Variants in KCNAB1 observed in about 807,000 individuals in gnomAD.
The protein encoded by KCNAB1 is voltage-gated potassium channel subunit beta-1.
In KCNAB1, 35 loss-of-function variants were observed where a neutral mutation model predicts 64.6. The ratio of observed to expected loss-of-function variants is 0.54; its 90% CI spans 0.41 to 0.72. KCNAB1 has a LOEUF of 0.72. KCNAB1 is among the 30% of genes least tolerant of loss of function. The pLI is 0.00. For missense variants in KCNAB1, 401 were observed against 512.9 expected (o/e 0.78, Z 2.11); for synonymous variants, 177 against 183.8 (o/e 0.96, Z 0.30).
intron 1 of KCNAB1, among the ~76,000 whole-genome samples, chr3:156,307,992 A>C (rs1483761129): frequency 6.6e-6 from 1 of 152,212 alleles, no homozygotes; most frequent in Non-Finnish European, 1.5e-5. Flanking sequence ...TGAAAAGCTT[A>C]TATTGTAGAA....
chr3:156,146,026 C>G (rs73161089), intron 1 of KCNAB1, among the ~76,000 whole-genome samples: 7,041 of 152,218 alleles, frequency 0.046, 230 homozygotes, highest in Non-Finnish European at 0.071. Flanking sequence ...TGAATTTGGT[C>G]AGACGCCATT....
At chr3:156,285,705 G>A (rs1031733438) in intron 1 of KCNAB1, among the ~76,000 whole-genome samples, 2 of 152,112 alleles carry the variant, frequency 1.3e-5, no homozygotes, top group South Asian at 4.2e-4. Context: ...GTTTCACCAT[G>A]TTGCCCAGGC....
At chr3:156,202,272 C>A (rs1158776206) in intron 1 of KCNAB1, among the ~76,000 whole-genome samples, 1 of 152,192 alleles carries the variant, frequency 6.6e-6, no homozygotes, top group Non-Finnish European at 1.5e-5. Context: ...ATTCCAGAGG[C>A]CTGTGGTGAG....
At chr3:156,405,194 G>C (rs1017974883) in intron 1 of KCNAB1, among the ~76,000 whole-genome samples, 3 of 152,236 alleles carry the variant, frequency 2.0e-5, no homozygotes, top group Non-Finnish European at 4.4e-5. Flanking sequence ...TCTTGGACAA[G>C]AGCCTTTTAT....
At chr3:156,238,421 C>CAAAAA (rs745633828) in intron 1 of KCNAB1, among the ~76,000 whole-genome samples, 6 of 71,768 alleles carry the variant, frequency 8.4e-5, no homozygotes, top group Non-Finnish European at 1.4e-4. Flanking sequence ...GACTTGGTCT[C>CAAAAA]AAAAAAAAAA....
intron 2 of KCNAB1, among the ~76,000 whole-genome samples, chr3:156,447,144 G>C (rs192903472): frequency 6.6e-6 from 1 of 152,228 alleles, no homozygotes; most frequent in East Asian, 1.9e-4. Context: ...CTTTCTTAGT[G>C]AATCTTATCT....
chr3:156,489,274 C>G (rs116749226), intron 8 of KCNAB1, among the ~76,000 whole-genome samples: 1,772 of 152,132 alleles, frequency 0.012, 28 homozygotes, highest in African/African-American at 0.041. Flanking sequence ...CTCTGGGACT[C>G]TCCAGTGTTA....
At chr3:156,302,560 A>G (rs2107990279) in intron 1 of KCNAB1, among the ~76,000 whole-genome samples, 1 of 152,300 alleles carries the variant, frequency 6.6e-6, no homozygotes, top group East Asian at 1.9e-4. Flanking sequence ...ATTTTCTCTG[A>G]GTAAGGCTAC....
chr3:156,172,284 T>TC (rs1712051036), intron 1 of KCNAB1, among the ~76,000 whole-genome samples: 1 of 141,600 alleles, frequency 7.1e-6, no homozygotes, highest in Non-Finnish European at 1.6e-5. Flanking sequence ...TCAAATGGCT[T>TC]TTTTTTTTTT....
intron 1 of KCNAB1, among the ~76,000 whole-genome samples, chr3:156,250,899 G>A (rs6414384): frequency 0.61 from 92,904 of 152,136 alleles, 28,892 homozygotes; most frequent in East Asian, 0.79. Flanking sequence ...CTAGACATTG[G>A]CAATTGATTT....
chr3:156,214,381 A>G (rs1411001102), intron 1 of KCNAB1, among the ~76,000 whole-genome samples: 1 of 152,104 alleles, frequency 6.6e-6, no homozygotes, highest in Non-Finnish European at 1.5e-5. Context: ...AATTGCAGGC[A>G]CTTAGTATCA....
At chr3:156,131,829 A>T (rs1234010772) in intron 1 of KCNAB1, among the ~76,000 whole-genome samples, 1 of 152,196 alleles carries the variant, frequency 6.6e-6, no homozygotes, top group African/African-American at 2.4e-5. Flanking sequence ...GGCTGATGAA[A>T]ATTCTGTCAT....
intron 1 of KCNAB1, among the ~76,000 whole-genome samples, chr3:156,302,316 A>G (rs1277720257): frequency 6.6e-6 from 1 of 152,174 alleles, no homozygotes; most frequent in Non-Finnish European, 1.5e-5. Flanking sequence ...TTACCATAGA[A>G]GGTAATATGT....
chr3:156,387,014 C>CTCTCTTTTTTTTTTT (rs60888308), intron 1 of KCNAB1, among the ~76,000 whole-genome samples: 15 of 90,522 alleles, frequency 1.7e-4, no homozygotes, highest in African/African-American at 7.6e-4. Flanking sequence ...TTCTCTCTCT[C>CTCTCTTTTTTTTTTT]TTTTTTTTTT....
intron 5 of KCNAB1, 47 bp from the exon 6 acceptor site, chr3:156,463,655 C>T (rs1713114527): frequency 7.1e-7 from 1 of 1,416,738 alleles, no homozygotes; most frequent in East Asian, 2.3e-5. Flanking sequence ...GGTACAATAA[C>T]CTGCATTTAT....
At chr3:156,334,424 A>G (rs915952542) in intron 1 of KCNAB1, among the ~76,000 whole-genome samples, 2 of 151,892 alleles carry the variant, frequency 1.3e-5, no homozygotes, top group African/African-American at 2.4e-5. Flanking sequence ...TCTCTTTCCT[A>G]TCGGATCTTA....
chr3:156,538,274 CAGA>C lies in KCNAB1; in HGVS notation c.*1532_*1534del, dbSNP rs976797954. The C allele has an allele frequency of 1.4e-5, 2 of 143,688 alleles. No individual in the cohort carries two copies. Among genetic ancestry groups the C allele is most frequent in the African/African-American group, 5.3e-5 (2 of 38,040 alleles). 8.9% of individuals were successfully genotyped at this position (143,688 alleles called of 1,614,324 possible). On this transcript the variant is annotated 3_prime_UTR_variant, in exon 14 of 14. Coordinates refer to ENST00000490337, the MANE Select transcript of KCNAB1 (RefSeq NM_172160.3). ...CACACAGAAATCACTCTGAGGTTTA[CAGA>C]AGAACTGTAATATTATTTTAAAATG...
At chr3:156,123,429 A>G (rs1386458593) in intron 1 of KCNAB1, among the ~76,000 whole-genome samples, 5 of 152,320 alleles carry the variant, frequency 3.3e-5, no homozygotes, top group East Asian at 3.9e-4. Context: ...TCCATATTCT[A>G]TGGTAATTTA....
chr3:156,281,010 G>T (rs1279580345), intron 1 of KCNAB1, among the ~76,000 whole-genome samples: 4 of 151,490 alleles, frequency 2.6e-5, no homozygotes, highest in Non-Finnish European at 4.4e-5. Context: ...TGTTGAATAG[G>T]AGTGGTGAGA....
Sources: gnomAD v4.1 joint callset for allele counts (sites outside exome capture counted in the v4.1 genomes callset) on GRCh38, gnomAD v4.1.1 for gene constraint, MANE v1.5 for transcripts, NCBI Gene and HGNC (gene_info 2026-07-23, HGNC 2026-07-21) for gene names.